ROS1: variants seen among roughly 807,000 people sequenced by gnomAD.
ROS1 encodes ROS proto-oncogene 1, receptor tyrosine kinase.
Under a neutral mutation model 273.5 loss-of-function variants are expected in ROS1, and 263 were observed. The observed-to-expected ratio is 0.96, with a 90% CI of 0.87 to 1.06. ROS1 has a LOEUF of 1.06. ROS1 is among the 50% of genes least tolerant of loss of function. The pLI is 0.00. For synonymous variants in ROS1, 1,008 were observed against 954.1 expected (o/e 1.06, Z -1.04); for missense variants, 2,833 against 2,751.1 (o/e 1.03, Z -0.67).
At chr6:117,300,289 T>C (rs953731265) in intron 43 of ROS1, among the ~76,000 whole-genome samples, 6 of 151,612 alleles carry the variant, frequency 4.0e-5, no homozygotes, top group African/African-American at 7.3e-5. Flanking sequence ...ACTGAAGTCA[T>C]AGAATCAGAC....
Position 117,365,507 on chromosome 6 carries a change from G to C in ROS1, c.2958+74C>G, listed in dbSNP as rs1343777268. ...GCTTGGCTAAGTCAAGATGATACAG[G>C]TCAGTGTGGGCAAGGCTGACACAGA... is the stretch of plus-strand genomic sequence containing the variant. On this transcript the variant is annotated intron_variant, in intron 20 of 43. Transcript: ENST00000368507. The C allele has an allele frequency of 4.7e-5, 59 of 1,252,482 alleles. 1 individual carries two copies. Among genetic ancestry groups the C allele is most frequent in the Admixed American group, 2.3e-4 (13 of 57,234 alleles). 77.6% of individuals were successfully genotyped at this position (1,252,482 alleles called of 1,614,324 possible).
chr6:117,346,017 C>T (rs1426008736), intron 27 of ROS1, among the ~76,000 whole-genome samples: 1 of 152,088 alleles, frequency 6.6e-6, no homozygotes, highest in Non-Finnish European at 1.5e-5. Flanking sequence ...GATGGATAAC[C>T]TTACTAAAGT....
intron 13 of ROS1, among the ~76,000 whole-genome samples, chr6:117,388,227 C>G (rs1772755646): frequency 1.3e-5 from 2 of 152,164 alleles, no homozygotes; most frequent in African/African-American, 2.4e-5. Context: ...ACAAATAGGA[C>G]TGTCCTTCAG....
At chr6:117,327,238 G>T (rs1443298805) in intron 33 of ROS1, among the ~76,000 whole-genome samples, 1 of 152,182 alleles carries the variant, frequency 6.6e-6, no homozygotes, top group Admixed American at 6.5e-5. Flanking sequence ...CTCATAAGAG[G>T]CAGGGAAAGG....
rs1383625583 is a variant in ROS1 at position 117,287,827 on chromosome 6, C to A, written c.*665G>T. Among the ~76,000 whole-genome samples the A allele has an allele frequency of 6.7e-6, 1 of 149,346 alleles. No homozygotes were observed. The highest frequency in any genetic ancestry group is 1.5e-5 in the Non-Finnish European group (1 of 67,738). ...CCCAGCTACTTAGGAGGCTGAGGCA[C>A]GAGAATTGCTTGAACCCAGGAGGTG... On this transcript the variant is annotated 3_prime_UTR_variant, in exon 44 of 44. Transcript: ENST00000368507.
intron 43 of ROS1, chr6:117,299,585 C>T (rs1032540000): frequency 1.3e-5 from 2 of 152,220 alleles, no homozygotes; most frequent in African/African-American, 4.8e-5. Context: ...GTAAAGGTGT[C>T]TCCTGCACTG....
chr6:117,409,873 C>T (rs1774761242), intron 4 of ROS1, among the ~76,000 whole-genome samples: 1 of 152,132 alleles, frequency 6.6e-6, no homozygotes, highest in South Asian at 2.1e-4. Context: ...AACTTTTGAC[C>T]ATGCTCCATA....
At position 117,320,039 on chromosome 6, in the gene ROS1, T is replaced by C. The variant is rs1776181996; in HGVS notation, c.5760-9A>G. The stretch of plus-strand genomic sequence containing the variant: ...CTTGGGTTGGAAGAGTACTGTAAAA[T>C]AGCAACATTTTTGTCTCCCCACCCT... On this transcript the variant is annotated splice_polypyrimidine_tract_variant and intron_variant, in intron 36 of 43. Transcript: ENST00000368507. The C allele has an allele frequency of 6.2e-7, 1 of 1,612,304 alleles. No individual in the cohort carries two copies. The highest frequency in any genetic ancestry group is 1.3e-5 in the African/African-American group (1 of 74,814).
chr6:117,371,955 C>T (rs1341249277), intron 18 of ROS1, among the ~76,000 whole-genome samples: 6 of 152,214 alleles, frequency 3.9e-5, no homozygotes, highest in East Asian at 1.9e-4. Context: ...ATGCCTAACC[C>T]TGCCCCAACT....
Position 117,357,818 on chromosome 6 carries a change from T to C in ROS1, c.3825A>G (p.Val1275=), listed in dbSNP as rs1476652672. 4.4e-6 allele frequency: 7 copies of C among 1,605,492 alleles called. No homozygotes were observed. Among genetic ancestry groups the C allele is most frequent in the Non-Finnish European group, 6.0e-6 (7 of 1,173,496 alleles). The change falls in exon 25 of 44, where the codon GTA becomes GTG. Residue 1275 remains valine, a synonymous_variant. Transcript: ENST00000368507. ...NRNSTIISFS[V]YPLLSRLYWT... ...CATTTACATACCTTAAAAGAGGATATACAGAAAAAGAAATTATTGTTGAAT... is the reference window on the plus strand; with the variant it reads ...CATTTACATACCTTAAAAGAGGATACACAGAAAAAGAAATTATTGTTGAAT...
At chr6:117,292,421 T>C (rs1220317152) in intron 43 of ROS1, among the ~76,000 whole-genome samples, 2 of 152,230 alleles carry the variant, frequency 1.3e-5, no homozygotes, top group Admixed American at 1.3e-4. Context: ...CTTTCCTTTC[T>C]AAGCCTCTCT....
intron 33 of ROS1, among the ~76,000 whole-genome samples, chr6:117,327,816 T>C (rs1180360287): frequency 6.6e-6 from 1 of 152,164 alleles, no homozygotes; most frequent in East Asian, 1.9e-4. Context: ...CCTAATCCAA[T>C]GACTGGCACT....
chr6:117,317,400 A>T, intron 38 of ROS1, 128 bp from the exon 39 acceptor site: 2 of 1,081,836 alleles, frequency 1.8e-6, no homozygotes, highest in East Asian at 5.0e-5. Context: ...TGTCTCTAAC[A>T]CTTCGTTTTC....
intron 6 of ROS1, among the ~76,000 whole-genome samples, chr6:117,403,542 T>C (rs1774127850): frequency 6.6e-6 from 1 of 152,170 alleles, no homozygotes; most frequent in South Asian, 2.1e-4. Flanking sequence ...ACATAGTATC[T>C]TGGGACTATT....
intron 43 of ROS1, among the ~76,000 whole-genome samples, chr6:117,293,979 T>C (rs896502202): frequency 6.6e-6 from 1 of 152,054 alleles, no homozygotes; most frequent in African/African-American, 2.4e-5. Flanking sequence ...TTATCCCAGG[T>C]ATGCAAGGAT....
At chr6:117,338,459 CT>C (rs1261337427) in intron 31 of ROS1, among the ~76,000 whole-genome samples, 9 of 151,276 alleles carry the variant, frequency 5.9e-5, no homozygotes, top group Non-Finnish European at 1.3e-4. Context: ...AGACATTTAG[CT>C]TAATAGCTTA....
At chr6:117,345,573 T>C (rs1023372699) in intron 27 of ROS1, among the ~76,000 whole-genome samples, 1 of 152,206 alleles carries the variant, frequency 6.6e-6, no homozygotes, top group East Asian at 1.9e-4. Context: ...TCGATCCTTA[T>C]GAATTCATAT....
At chr6:117,375,563 C>T (rs531696307) in intron 18 of ROS1, among the ~76,000 whole-genome samples, 51 of 152,192 alleles carry the variant, frequency 3.4e-4, no homozygotes, top group Middle Eastern at 3.4e-3. Context: ...CACATGTACC[C>T]CTTAAACTAA....
intron 17 of ROS1, among the ~76,000 whole-genome samples, chr6:117,380,533 C>T (rs1002301751): frequency 1.3e-5 from 2 of 151,132 alleles, no homozygotes; most frequent in East Asian, 1.9e-4. Flanking sequence ...ATCAGGTTAA[C>T]CTTGTTTGGT....
Sources: allele counts gnomAD v4.1 joint callset (sites outside exome capture counted in the v4.1 genomes callset), GRCh38; gene constraint gnomAD v4.1.1; transcripts MANE v1.5; gene names NCBI Gene and HGNC (gene_info 2026-07-23, HGNC 2026-07-21).